CAMSAP2: variants seen among roughly 807,000 people sequenced by gnomAD.
CAMSAP2 encodes calmodulin regulated spectrin associated protein family member 2.
A neutral mutation model predicts 146.1 loss-of-function variants in CAMSAP2; 26 were observed. The observed-to-expected ratio is 0.18, with a 90% CI of 0.13 to 0.25. The LOEUF (loss-of-function observed/expected upper bound fraction) is 0.25, where lower values mean the gene tolerates loss of function less well. CAMSAP2 is among the 10% of genes least tolerant of loss of function. The pLI is 1.00. For synonymous variants in CAMSAP2, 499 were observed against 596.6 expected (o/e 0.84, Z 2.38); for missense variants, 1,381 against 1,759.3 (o/e 0.78, Z 3.85).
intron 6 of CAMSAP2, among the ~76,000 whole-genome samples, chr1:200,833,514 C>T (rs1003619550): frequency 6.6e-6 from 1 of 151,642 alleles, no homozygotes. Flanking sequence ...GAGCTGAGAT[C>T]GCGCCACTGC....
chr1:200,746,785 A>AT (rs926378361), intron 1 of CAMSAP2, among the ~76,000 whole-genome samples: 7 of 151,352 alleles, frequency 4.6e-5, no homozygotes, highest in South Asian at 2.1e-4. Flanking sequence ...CGCCCAGCTA[A>AT]TTTTTTGTAT....
intron 1 of CAMSAP2, among the ~76,000 whole-genome samples, chr1:200,750,042 G>A (rs1208220786): frequency 6.6e-6 from 1 of 152,120 alleles, no homozygotes; most frequent in African/African-American, 2.4e-5. Context: ...CTTGGGGATG[G>A]GGTGGTGTGT....
intron 8 of CAMSAP2, among the ~76,000 whole-genome samples, chr1:200,846,730 G>A (rs1216470453): frequency 1.3e-5 from 2 of 152,118 alleles, no homozygotes; most frequent in Non-Finnish European, 2.9e-5. Flanking sequence ...AAAAACAAAG[G>A]ACGAAGACAG....
At chr1:200,763,369 T>C (rs12039516) in intron 2 of CAMSAP2, among the ~76,000 whole-genome samples, 12,771 of 152,032 alleles carry the variant, frequency 0.084, 1,101 homozygotes, top group East Asian at 0.35. Flanking sequence ...CGAAACCCCA[T>C]CTCTACTGAA....
chr1:200,776,320 C>T (rs1665277115), intron 2 of CAMSAP2, among the ~76,000 whole-genome samples: 1 of 152,166 alleles, frequency 6.6e-6, no homozygotes, highest in Admixed American at 6.5e-5. Context: ...AGGTTAGGTT[C>T]CAACCCCTGA....
intron 6 of CAMSAP2, among the ~76,000 whole-genome samples, chr1:200,838,330 A>T (rs987950603): frequency 6.6e-6 from 1 of 152,222 alleles, no homozygotes; most frequent in African/African-American, 2.4e-5. Context: ...GGAACCTAGC[A>T]CCAGTACTTA....
At chr1:200,823,470 A>G (rs1245102861) in intron 4 of CAMSAP2, among the ~76,000 whole-genome samples, 1 of 152,162 alleles carries the variant, frequency 6.6e-6, no homozygotes, top group Non-Finnish European at 1.5e-5. Flanking sequence ...TTTAGATTCT[A>G]CTGGTTTTCC....
chr1:200,764,383 A>G lies in CAMSAP2; in HGVS notation c.399+3285A>G, dbSNP rs1337878711. Among the ~76,000 whole-genome samples, 3 of 152,214 alleles carry G rather than the reference A, an allele frequency of 2.0e-5. No homozygotes were observed. In the East Asian group the frequency reaches 5.8e-4, roughly 29 times the overall value. Reference sequence around the variant, plus strand: ...AAAAATTTCCTGTGAAATAATATATATGAAGACAGAAATCTTTAGAAGAAT... The same window carrying G: ...AAAAATTTCCTGTGAAATAATATATGTGAAGACAGAAATCTTTAGAAGAAT... On this transcript the variant is annotated intron_variant, in intron 2 of 16. Coordinates refer to ENST00000358823, the MANE Select transcript of CAMSAP2 (RefSeq NM_203459.4).
At chr1:200,774,674 C>G (rs1454815318) in intron 2 of CAMSAP2, among the ~76,000 whole-genome samples, 1 of 152,086 alleles carries the variant, frequency 6.6e-6, no homozygotes, top group East Asian at 1.9e-4. Context: ...TATATTTGAG[C>G]AGAGATTTGA....
rs2292095 is a variant in CAMSAP2 at position 200,857,267 on chromosome 1, A to G, written c.4013-39A>G. ...AAAATAGTAGTATTTCTGACTTAGGAATGTTATTTTTATTATTGTTGTTAA... is the reference window on the plus strand; with the variant it reads ...AAAATAGTAGTATTTCTGACTTAGGGATGTTATTTTTATTATTGTTGTTAA... On this transcript the variant is annotated intron_variant, in intron 15 of 16. Coordinates refer to ENST00000358823, the MANE Select transcript of CAMSAP2 (RefSeq NM_203459.4). The surrounding 1 kb of genome is among the most constrained non-coding windows in gnomAD (Gnocchi z 4.7). The G allele has an allele frequency of 6.0e-4, 753 of 1,255,814 alleles. 2 individuals carry two copies. The African/African-American group carries it at 9.3e-3, about 16-fold the overall frequency. 77.8% of individuals were successfully genotyped at this position (1,255,814 alleles called of 1,614,324 possible).
chr1:200,821,273 C>T (rs1377084413), intron 4 of CAMSAP2, among the ~76,000 whole-genome samples: 1 of 151,482 alleles, frequency 6.6e-6, no homozygotes, highest in East Asian at 1.9e-4. Context: ...GCCTTGATCT[C>T]CTGGGCTCAA....
chr1:200,750,365 A>G lies in CAMSAP2; in HGVS notation c.139+10399A>G, dbSNP rs184824082. Among the ~76,000 whole-genome samples the G allele has an allele frequency of 2.0e-5, 3 of 152,302 alleles. No homozygotes were observed. In the East Asian group the frequency reaches 5.8e-4, roughly 29 times the overall value. On this transcript the variant is annotated intron_variant, in intron 1 of 16. Transcript: ENST00000358823. ...GATTGTGGTGTACTTTATTGATATA[A>G]GGAACACTGAAAGATCATCAAGTTT...
rs1667539635 is a variant in CAMSAP2, at chr1:200,848,958, T to C, written c.2189T>C (p.Ile730Thr). The C allele has an allele frequency of 1.2e-6, 2 of 1,614,028 alleles. No homozygotes were observed. Among genetic ancestry groups the C allele is most frequent in the South Asian group, 2.2e-5 (2 of 91,090 alleles). ...CCTCATGTGGTTGCTTGGGCACAAA[T>C]TCCAGAAGAAACAGGGCTTCCACAG... ...NIPHVVAWAQ[I>T]PEETGLPQGR... Residue 730 changes from isoleucine (I) to threonine (T), a missense_variant, in exon 11 of 17, where the codon ATT becomes ACT. Ile to Thr is a moderately conservative substitution (Grantham distance 89). Coordinates refer to ENST00000358823, the MANE Select transcript of CAMSAP2 (RefSeq NM_203459.4).
intron 4 of CAMSAP2, among the ~76,000 whole-genome samples, chr1:200,820,994 C>T (rs1047788951): frequency 3.9e-5 from 6 of 151,970 alleles, no homozygotes; most frequent in South Asian, 4.1e-4. Flanking sequence ...TCAAATATAG[C>T]GCATCATTCT....
chr1:200,787,566 A>AT (rs1171404155), intron 2 of CAMSAP2, among the ~76,000 whole-genome samples: 3 of 152,216 alleles, frequency 2.0e-5, no homozygotes, highest in African/African-American at 7.2e-5. Context: ...TGATGGATCT[A>AT]TTCCTGGTGG....
intron 4 of CAMSAP2, among the ~76,000 whole-genome samples, chr1:200,823,006 A>C (rs1666815161): frequency 6.6e-6 from 1 of 152,180 alleles, no homozygotes; most frequent in African/African-American, 2.4e-5. Context: ...AGGTAATTTG[A>C]GAGGAGTTAC....
chr1:200,771,524 A>G (rs1436679115), intron 2 of CAMSAP2, among the ~76,000 whole-genome samples: 1 of 152,200 alleles, frequency 6.6e-6, no homozygotes, highest in Non-Finnish European at 1.5e-5. Context: ...TGCCTGGTAC[A>G]TAAGGGCTTG....
intron 7 of CAMSAP2, among the ~76,000 whole-genome samples, chr1:200,843,562 C>T (rs1667381492): frequency 6.6e-6 from 1 of 152,146 alleles, no homozygotes. Flanking sequence ...ACAGGGTTTT[C>T]ACTACATTGC....
intron 1 of CAMSAP2, among the ~76,000 whole-genome samples, chr1:200,750,425 T>C (rs1439147888): frequency 1.3e-5 from 2 of 152,262 alleles, no homozygotes; most frequent in South Asian, 4.2e-4. Context: ...TTTTGAAGTT[T>C]TGTAGCTTTT....
Sources: allele counts gnomAD v4.1 joint callset (sites outside exome capture counted in the v4.1 genomes callset), GRCh38; gene constraint gnomAD v4.1.1; non-coding constraint Gnocchi (gnomAD v3.1); transcripts MANE v1.5; gene names NCBI Gene and HGNC (gene_info 2026-07-23, HGNC 2026-07-21).